CSMD3: variants seen among roughly 807,000 people sequenced by gnomAD.
CSMD3 encodes CUB and Sushi multiple domains 3, also known as CUB and sushi domain-containing protein 3.
In CSMD3, 177 loss-of-function variants were observed where a neutral mutation model predicts 435.2. The ratio of observed to expected loss-of-function variants is 0.41; its 90% confidence interval spans 0.36 to 0.46. The LOEUF is 0.46. Among genes scored for constraint, CSMD3 ranks in the 20% least tolerant of loss-of-function variants. The pLI is 0.34. For synonymous variants in CSMD3, 1,656 were observed against 1,520.5 expected, an observed-to-expected ratio of 1.09 and a Z score of -2.07; for missense variants, 4,265 against 4,504.6, an observed-to-expected ratio of 0.95 and a Z score of 1.52.
chr8:113,120,428 T>C (rs1187970681), intron 4 of CSMD3, among the ~76,000 whole-genome samples: 1 of 152,162 alleles, frequency 6.6e-6, no homozygotes, highest in Non-Finnish European at 1.5e-5. Flanking sequence ...GTCTGTATTT[T>C]TGCATACTTA....
chr8:112,351,351 T>C, intron 39 of CSMD3, 107 bp from the exon 40 acceptor site: 1 of 738,186 alleles, frequency 1.4e-6, no homozygotes, highest in South Asian at 1.6e-5. Context: ...CATGGCTTTA[T>C]TTTTATACAC....
intron 1 of CSMD3, among the ~76,000 whole-genome samples, chr8:113,399,759 C>G (rs1310033985): frequency 6.6e-6 from 1 of 151,648 alleles, no homozygotes; most frequent in South Asian, 2.1e-4. Flanking sequence ...CTGTACAACC[C>G]CTCCATATAC....
At chr8:112,909,642 G>A (rs916952332) in intron 10 of CSMD3, among the ~76,000 whole-genome samples, 11 of 151,554 alleles carry the variant, frequency 7.3e-5, no homozygotes, top group Admixed American at 5.3e-4. Flanking sequence ...TACATTTGTC[G>A]TGTCTTATTT....
At chr8:113,153,128 A>AAAGAAAGAAAGAAAGAAAGGG (rs2091858340) in intron 4 of CSMD3, among the ~76,000 whole-genome samples, 1 of 123,758 alleles carries the variant, frequency 8.1e-6, no homozygotes, top group South Asian at 2.9e-4. Flanking sequence ...AAAGAAAGAG[A>AAAGAAAGAAAGAAAGAAAGGG]AAGAAGGAAG....
intron 1 of CSMD3, among the ~76,000 whole-genome samples, chr8:113,355,052 C>T (rs924345876): frequency 1.3e-5 from 2 of 152,114 alleles, no homozygotes; most frequent in African/African-American, 2.4e-5. Flanking sequence ...CAAGCCAAAA[C>T]TTTACAAATT....
chr8:112,796,196 T>C (rs371080305), intron 13 of CSMD3, among the ~76,000 whole-genome samples: 27 of 152,208 alleles, frequency 1.8e-4, no homozygotes, highest in African/African-American at 6.3e-4. Context: ...TATTGCATAA[T>C]GGAAAAAAGA....
At chr8:112,958,505 C>G (rs1442454465) in intron 7 of CSMD3, among the ~76,000 whole-genome samples, 2 of 152,054 alleles carry the variant, frequency 1.3e-5, no homozygotes, top group East Asian at 1.9e-4. Flanking sequence ...TTTTAAGCCA[C>G]GTAGTGGATT....
chr8:112,479,908 T>C (rs894265664), intron 31 of CSMD3, among the ~76,000 whole-genome samples: 1 of 151,588 alleles, frequency 6.6e-6, no homozygotes, highest in African/African-American at 2.4e-5. Context: ...CCTTATGGAG[T>C]TGTGGGAAGT....
intron 32 of CSMD3, among the ~76,000 whole-genome samples, chr8:112,460,813 G>A (rs191252772): frequency 6.6e-4 from 100 of 152,148 alleles, no homozygotes; most frequent in Non-Finnish European, 8.8e-5. Context: ...ATCTCTGTTC[G>A]AGTTTCTGCT....
intron 4 of CSMD3, among the ~76,000 whole-genome samples, chr8:113,111,533 T>C (rs1219637221): frequency 6.6e-6 from 1 of 152,114 alleles, no homozygotes; most frequent in Non-Finnish European, 1.5e-5. Flanking sequence ...TATTCACATT[T>C]CCCCAGTTTT....
At chr8:112,514,939 T>C (rs1823516691) in intron 28 of CSMD3, among the ~76,000 whole-genome samples, 1 of 152,050 alleles carries the variant, frequency 6.6e-6, no homozygotes, top group South Asian at 2.1e-4. Flanking sequence ...AGCTCTAATT[T>C]ATATCTTCCC....
intron 1 of CSMD3, among the ~76,000 whole-genome samples, chr8:113,355,233 A>T (rs1022290655): frequency 6.6e-6 from 1 of 152,132 alleles, no homozygotes; most frequent in Non-Finnish European, 1.5e-5. Context: ...ATATATAAAC[A>T]TGTATGTGTA....
intron 7 of CSMD3, among the ~76,000 whole-genome samples, chr8:112,958,225 T>C (rs1275659736): frequency 6.6e-6 from 1 of 152,204 alleles, no homozygotes; most frequent in Non-Finnish European, 1.5e-5. Flanking sequence ...CTAATAATTT[T>C]AGAAAGCATT....
chr8:112,485,683 G>A (rs1490364515), intron 31 of CSMD3, among the ~76,000 whole-genome samples: 2 of 152,084 alleles, frequency 1.3e-5, no homozygotes. Context: ...TGAATAATTG[G>A]TAAATTAGAG....
At chr8:112,413,676 C>A (rs369690089) in intron 32 of CSMD3, among the ~76,000 whole-genome samples, 2 of 152,138 alleles carry the variant, frequency 1.3e-5, no homozygotes, top group Non-Finnish European at 2.9e-5. Context: ...AGGGGAGGGC[C>A]TTTGCTTAGA....
chr8:112,236,127 T>C (rs1813573720), intron 67 of CSMD3, among the ~76,000 whole-genome samples: 1 of 151,938 alleles, frequency 6.6e-6, no homozygotes, highest in South Asian at 2.1e-4. Flanking sequence ...GATCATTCAA[T>C]AATAAGAATG....
In CSMD3 at chr8:112,482,527, C is replaced by T. The variant is rs539689541; in HGVS notation, c.5279-9820G>A. On this transcript the variant is annotated intron_variant, in intron 31 of 70. Coordinates refer to ENST00000297405, the MANE Select transcript of CSMD3 (RefSeq NM_198123.2). ...AATAATTTCAGTACCCATTAGTAGTCGCACGCTGTTGTCACTACCCCCAAG... is the reference window on the plus strand; with the variant it reads ...AATAATTTCAGTACCCATTAGTAGTTGCACGCTGTTGTCACTACCCCCAAG... 5.3e-5 allele frequency among the ~76,000 whole-genome samples: 8 copies of T among 152,246 alleles called. No individual in the cohort carries two copies. The South Asian group carries it at 6.2e-4, about 12-fold the overall frequency.
intron 13 of CSMD3, among the ~76,000 whole-genome samples, chr8:112,799,735 A>C (rs1183228497): frequency 6.6e-6 from 1 of 151,994 alleles, no homozygotes; most frequent in East Asian, 1.9e-4. Context: ...CTATATTTAT[A>C]TGTTTGATAG....
intron 9 of CSMD3, among the ~76,000 whole-genome samples, chr8:112,926,083 C>T (rs2082901042): frequency 6.6e-6 from 1 of 152,192 alleles, no homozygotes; most frequent in Non-Finnish European, 1.5e-5. Context: ...CAAAACAACA[C>T]AGAGAGGACA....
Sources: allele counts gnomAD v4.1 joint callset (sites outside exome capture counted in the v4.1 genomes callset), GRCh38; gene constraint gnomAD v4.1.1; transcripts MANE v1.5; gene names NCBI Gene and HGNC (gene_info 2026-07-23, HGNC 2026-07-21).